KCND3: variants seen among roughly 807,000 people sequenced by gnomAD.
KCND3 encodes potassium voltage-gated channel subfamily D member 3, also known as A-type voltage-gated potassium channel KCND3.
Under a neutral mutation model 51.1 loss-of-function variants are expected in KCND3, and 9 were observed. The observed-to-expected ratio is 0.18, with a 90% CI of 0.11 to 0.31. The LOEUF is 0.31. Among genes scored for constraint, KCND3 ranks in the 10% least tolerant of loss-of-function variants. The pLI is 1.00. For synonymous variants in KCND3, 349 were observed against 368.0 expected, an observed-to-expected ratio of 0.95 and a Z score of 0.59; for missense variants, 526 against 903.8, an observed-to-expected ratio of 0.58 and a Z score of 5.36.
intron 2 of KCND3, among the ~76,000 whole-genome samples, chr1:111,815,109 G>C (rs922507560): frequency 6.6e-6 from 1 of 152,264 alleles, no homozygotes; most frequent in Admixed American, 6.5e-5. Flanking sequence ...GAAACAAGGT[G>C]GTCTGTCTGA....
At chr1:111,813,196 C>T (rs567736754) in intron 2 of KCND3, among the ~76,000 whole-genome samples, 3 of 152,228 alleles carry the variant, frequency 2.0e-5, no homozygotes, top group African/African-American at 7.2e-5. Flanking sequence ...GCCCCCAGAT[C>T]ACTCTTGGAA....
At chr1:111,787,787 G>T (rs1664670723) in intron 2 of KCND3, among the ~76,000 whole-genome samples, 1 of 152,156 alleles carries the variant, frequency 6.6e-6, no homozygotes, top group South Asian at 2.1e-4. Context: ...AATTTACAAA[G>T]CACTTCTACA....
chr1:111,862,435 C>T (rs1668375643), intron 2 of KCND3, among the ~76,000 whole-genome samples: 1 of 152,238 alleles, frequency 6.6e-6, no homozygotes, highest in Non-Finnish European at 1.5e-5. Context: ...ATAAGTTTTG[C>T]AATGAAAAAC....
intron 2 of KCND3, among the ~76,000 whole-genome samples, chr1:111,966,649 G>A (rs189914900): frequency 6.6e-6 from 1 of 152,280 alleles, no homozygotes; most frequent in East Asian, 1.9e-4. Context: ...ATGTATCACA[G>A]GTCCTCTTGA....
At chr1:111,868,417 G>A (rs1668677884) in intron 2 of KCND3, among the ~76,000 whole-genome samples, 1 of 152,152 alleles carries the variant, frequency 6.6e-6, no homozygotes, top group African/African-American at 2.4e-5. Flanking sequence ...CAAAACACAA[G>A]AGTACAGTGC....
At chr1:111,975,043 T>G (rs1674550310) in intron 2 of KCND3, among the ~76,000 whole-genome samples, 1 of 152,216 alleles carries the variant, frequency 6.6e-6, no homozygotes, top group African/African-American at 2.4e-5. Flanking sequence ...TCATAGCTGC[T>G]GAGTTTTAGA....
intron 3 of KCND3, among the ~76,000 whole-genome samples, chr1:111,786,608 C>T (rs1482337962): frequency 6.6e-6 from 1 of 152,116 alleles, no homozygotes; most frequent in Admixed American, 6.5e-5. Flanking sequence ...ATTATGTTTC[C>T]TAGTAAGCTC....
At chr1:111,814,836 G>A (rs1430824160) in intron 2 of KCND3, among the ~76,000 whole-genome samples, 1 of 152,232 alleles carries the variant, frequency 6.6e-6, no homozygotes, top group Non-Finnish European at 1.5e-5. Context: ...CCACAGCTCT[G>A]CTGTTCTAGG....
At chr1:111,809,832 T>C (rs1239602301) in intron 2 of KCND3, among the ~76,000 whole-genome samples, 1 of 152,192 alleles carries the variant, frequency 6.6e-6, no homozygotes, top group East Asian at 1.9e-4. Flanking sequence ...CCCAACCTGC[T>C]CTGGGGGTGT....
chr1:111,953,602 G>C (rs570682959), intron 2 of KCND3, among the ~76,000 whole-genome samples: 12 of 152,376 alleles, frequency 7.9e-5, no homozygotes, highest in Middle Eastern at 3.4e-3. Context: ...AGGGAGTTGA[G>C]TGCTCACTCA....
intron 2 of KCND3, chr1:111,910,891 T>C (rs1230736317): frequency 1.3e-5 from 2 of 152,242 alleles, no homozygotes; most frequent in African/African-American, 2.4e-5. Context: ...TGAGTTTATT[T>C]GTCCATTAAA....
intron 3 of KCND3, among the ~76,000 whole-genome samples, chr1:111,782,725 T>C (rs768462373): frequency 1.2e-4 from 18 of 152,230 alleles, no homozygotes; most frequent in Non-Finnish European, 2.5e-4. Flanking sequence ...CATTAGTTTC[T>C]AGAGATGAAA....
At chr1:111,921,346 A>G (rs891908745) in intron 2 of KCND3, among the ~76,000 whole-genome samples, 1 of 152,234 alleles carries the variant, frequency 6.6e-6, no homozygotes, top group African/African-American at 2.4e-5. Flanking sequence ...TCCCTCAAGC[A>G]GCTTATTCTT....
At chr1:111,957,313 TTC>T (rs1673388621) in intron 2 of KCND3, among the ~76,000 whole-genome samples, 1 of 152,186 alleles carries the variant, frequency 6.6e-6, no homozygotes, top group African/African-American at 2.4e-5. Flanking sequence ...TGGTAACTGG[TTC>T]TGTTTCATCC....
Position 111,941,692 on chromosome 1 carries a change from G to A in KCND3, c.1106+39929C>T, listed in dbSNP as rs530189730. On this transcript the variant is annotated intron_variant, in intron 2 of 7. Transcript: ENST00000302127. Reference sequence around the variant, plus strand: ...CTACAGTCCCAAGCAGGGAGCCAACGAGGGGGACCCCGCAGCCCTGACCCT... The same window carrying A: ...CTACAGTCCCAAGCAGGGAGCCAACAAGGGGGACCCCGCAGCCCTGACCCT... Among the ~76,000 whole-genome samples the A allele has an allele frequency of 5.9e-5, 9 of 152,284 alleles. No individual in the cohort carries two copies. In the East Asian group the frequency reaches 7.8e-4, roughly 13 times the overall value.
chr1:111,800,623 T>G (rs1425482578), intron 2 of KCND3, among the ~76,000 whole-genome samples: 1 of 152,004 alleles, frequency 6.6e-6, no homozygotes, highest in Non-Finnish European at 1.5e-5. Flanking sequence ...TCCAGTCAGT[T>G]GTTCCCTGCC....
At chr1:111,778,554 A>G in intron 5 of KCND3, 62 bp from the exon 6 acceptor site, 1 of 1,516,986 alleles carries the variant, frequency 6.6e-7, no homozygotes, top group South Asian at 1.1e-5. Flanking sequence ...CAGCATTCCC[A>G]AGCCAGTTTT....
chr1:111,821,531 A>G (rs1004031644), intron 2 of KCND3, among the ~76,000 whole-genome samples: 1 of 152,214 alleles, frequency 6.6e-6, no homozygotes, highest in Non-Finnish European at 1.5e-5. Flanking sequence ...CCGCCTGCTC[A>G]GGAAGCCCTG....
At chr1:111,882,369 G>A (rs1669372637) in intron 2 of KCND3, among the ~76,000 whole-genome samples, 1 of 152,210 alleles carries the variant, frequency 6.6e-6, no homozygotes, top group Non-Finnish European at 1.5e-5. Context: ...AGGGCCCAGT[G>A]GCACTTCTTG....
Sources: allele counts gnomAD v4.1 joint callset (sites outside exome capture counted in the v4.1 genomes callset), GRCh38; gene constraint gnomAD v4.1.1; transcripts MANE v1.5; gene names NCBI Gene and HGNC (gene_info 2026-07-23, HGNC 2026-07-21).